Variants in TMCC1 observed in about 807,000 individuals in gnomAD.
The protein encoded by TMCC1 is transmembrane and coiled-coil domain family 1.
TMCC1 carries 15 observed loss-of-function variants against 52.4 expected under a neutral mutation model. The observed-to-expected ratio is 0.29, with a 90% CI of 0.19 to 0.44. TMCC1 has a LOEUF of 0.44. TMCC1 is among the 20% of genes least tolerant of loss of function. The probability of loss-of-function intolerance (pLI) is 1.00; values close to 1 mark genes in which losing one functional copy is unlikely to be tolerated. For missense variants in TMCC1, 503 were observed against 806.0 expected (o/e 0.62, Z 4.55); for synonymous variants, 279 against 301.9 (o/e 0.92, Z 0.79).
chr3:129,851,853 C>T (rs1338432865), intron 2 of TMCC1, among the ~76,000 whole-genome samples: 2 of 152,106 alleles, frequency 1.3e-5, no homozygotes, highest in East Asian at 1.9e-4. Context: ...ATTCAGCCTT[C>T]AAAAGGAAAA....
At chr3:129,702,889 G>T (rs1024881698) in intron 4 of TMCC1, among the ~76,000 whole-genome samples, 1 of 152,126 alleles carries the variant, frequency 6.6e-6, no homozygotes, top group Non-Finnish European at 1.5e-5. Context: ...GATAGCGTGC[G>T]CCTGTAATCT....
In TMCC1 at chr3:129,757,216, G is replaced by C. The variant is rs866398971; in HGVS notation, c.576+70587C>G. 3.9e-5 allele frequency among the ~76,000 whole-genome samples: 6 copies of C among 152,242 alleles called. No homozygotes were observed. In the South Asian group the frequency reaches 1.2e-3, roughly 32 times the overall value. On this transcript the variant is annotated intron_variant, in intron 4 of 6. Transcript: ENST00000393238. ...TACAATCTACAACCCCCAAGGGAAA[G>C]ATAATGCCCATGAACCTTAATAAAG...
chr3:129,759,391 C>T (rs2053297727), intron 4 of TMCC1, among the ~76,000 whole-genome samples: 1 of 151,674 alleles, frequency 6.6e-6, no homozygotes, highest in Non-Finnish European at 1.5e-5. Context: ...CCTCATCCTC[C>T]CAAGCAGCTG....
chr3:129,826,981 C>T (rs1175019719), intron 4 of TMCC1, among the ~76,000 whole-genome samples: 2 of 152,166 alleles, frequency 1.3e-5, no homozygotes, highest in African/African-American at 4.8e-5. Flanking sequence ...TCCAGTTTCT[C>T]TTGAAAAAAA....
intron 4 of TMCC1, among the ~76,000 whole-genome samples, chr3:129,767,589 C>T (rs967016835): frequency 1.3e-5 from 2 of 152,108 alleles, no homozygotes; most frequent in East Asian, 1.9e-4. Context: ...GCCCAGGCTA[C>T]GGTTAATTTT....
At chr3:129,699,500 T>C (rs2047656637) in intron 4 of TMCC1, among the ~76,000 whole-genome samples, 1 of 152,206 alleles carries the variant, frequency 6.6e-6, no homozygotes, top group Non-Finnish European at 1.5e-5. Context: ...GTTTCACATA[T>C]AATCAAGAAG....
In TMCC1 at chr3:129,670,451, G is replaced by T. The variant is rs1404962838; in HGVS notation, c.1390C>A (p.His464Asn). The T allele has an allele frequency of 6.2e-7, 1 of 1,614,188 alleles. No homozygotes were observed. The highest frequency in any genetic ancestry group is 8.5e-7 in the Non-Finnish European group (1 of 1,180,030). Reference sequence around the variant, plus strand: ...GTTTCCCGGATCTCCTGGATCTCATGTAGTAGTGCATCAAATCCTGAGCTC... The same window carrying T: ...GTTTCCCGGATCTCCTGGATCTCATTTAGTAGTGCATCAAATCCTGAGCTC... Reference protein sequence around the residue: ...MQSSGFDALLHEIQEIRETQA... With the variant: ...MQSSGFDALLNEIQEIRETQA... The change falls in exon 5 of 7, where the codon CAT (histidine) becomes AAT (asparagine). Residue 464 changes from histidine (H) to asparagine (N), a missense_variant. His to Asn is a moderately conservative substitution (Grantham distance 68). Around this residue, in one of 7 missense-constraint regions of TMCC1, gnomAD observed 121 missense variants for 193.6 expected, o/e 0.62. Transcript: ENST00000393238.
intron 1 of TMCC1, among the ~76,000 whole-genome samples, chr3:129,889,594 G>A (rs2061870209): frequency 1.3e-5 from 2 of 152,068 alleles, no homozygotes; most frequent in South Asian, 4.1e-4. Context: ...TCTTTGCAAT[G>A]TTTCTGTAAA....
chr3:129,862,259 G>C (rs2060429798), intron 2 of TMCC1, among the ~76,000 whole-genome samples: 1 of 152,112 alleles, frequency 6.6e-6, no homozygotes, highest in African/African-American at 2.4e-5. Context: ...GTTTCTTTTG[G>C]GGGTGATGAA....
intron 4 of TMCC1, among the ~76,000 whole-genome samples, chr3:129,745,073 T>C (rs2051807692): frequency 6.6e-6 from 1 of 152,198 alleles, no homozygotes; most frequent in African/African-American, 2.4e-5. Flanking sequence ...AGAATAAAAA[T>C]TTCTTGTAAG....
intron 4 of TMCC1, chr3:129,794,297 CACAA>C: frequency 2.2e-6 from 1 of 456,236 alleles, no homozygotes; most frequent in Non-Finnish European, 4.4e-6. Flanking sequence ...GTTTCCCCTC[CACAA>C]ACATAGAAAA....
intron 4 of TMCC1, among the ~76,000 whole-genome samples, chr3:129,693,682 A>G (rs541548057): frequency 6.6e-6 from 1 of 151,966 alleles, no homozygotes; most frequent in East Asian, 1.9e-4. Context: ...TTTTGTGGCT[A>G]TATGAGGAAG....
chr3:129,840,658 T>A (rs2107866425), intron 2 of TMCC1, among the ~76,000 whole-genome samples: 1 of 152,300 alleles, frequency 6.6e-6, no homozygotes, highest in Non-Finnish European at 1.5e-5. Flanking sequence ...CTTGTGATAA[T>A]GAGTTCTCAT....
chr3:129,695,025 A>C (rs2047296473), intron 4 of TMCC1, among the ~76,000 whole-genome samples: 1 of 126,428 alleles, frequency 7.9e-6, no homozygotes, highest in South Asian at 2.7e-4. Context: ...TAAGCCCAGG[A>C]GTTGAAATTT....
Position 129,651,293 on chromosome 3 carries a change from T to C in TMCC1, c.*188A>G. 1.5e-6 allele frequency: 1 copy of C among 679,110 alleles called. No individual in the cohort carries two copies. The highest frequency in any genetic ancestry group is 2.3e-6 in the Non-Finnish European group (1 of 428,640). The allele number at this position is 679,110 out of a possible 1,614,324, so 42.1% of individuals were successfully genotyped here. A position where few individuals can be genotyped will look rare whatever the true frequency, so the allele number is the denominator to read the frequency against. On this transcript the variant is annotated 3_prime_UTR_variant, in exon 7 of 7. Coordinates refer to ENST00000393238, the MANE Select transcript of TMCC1 (RefSeq NM_001017395.5). This position sits in a 1 kb window ranked among gnomAD's most constrained non-coding sequence, Gnocchi z 5.1. ...ATCCAAGATTTTCGCCCAAAAAACT[T>C]CTTGGATAAAATCTAAAAAATACTA...
At chr3:129,822,132 G>T (rs1254529559) in intron 4 of TMCC1, among the ~76,000 whole-genome samples, 4 of 151,936 alleles carry the variant, frequency 2.6e-5, no homozygotes, top group African/African-American at 9.7e-5. Flanking sequence ...TAACTATTTT[G>T]TTATTATTTT....
chr3:129,830,794 C>A (rs908594217), intron 3 of TMCC1, among the ~76,000 whole-genome samples: 2 of 152,164 alleles, frequency 1.3e-5, no homozygotes, highest in Non-Finnish European at 2.9e-5. Flanking sequence ...TATTACTCAG[C>A]AAATCTACTT....
chr3:129,708,014 A>AG (rs66754471), intron 4 of TMCC1, among the ~76,000 whole-genome samples: 96,068 of 151,892 alleles, frequency 0.63, 35,496 homozygotes, highest in Non-Finnish European at 0.83. Context: ...GTAGAGGATG[A>AG]GAAAAAAAAA....
At chr3:129,666,146 C>A (rs1464798414) in intron 5 of TMCC1, among the ~76,000 whole-genome samples, 1 of 152,174 alleles carries the variant, frequency 6.6e-6, no homozygotes, top group Non-Finnish European at 1.5e-5. Flanking sequence ...AAAGCAAAGC[C>A]TACAACAGAG....
Sources: gnomAD v4.1 joint callset for allele counts (sites outside exome capture counted in the v4.1 genomes callset) on GRCh38, gnomAD v4.1.1 for gene constraint, gnomAD v4.1.1 regional missense constraint, Gnocchi (gnomAD v3.1) non-coding constraint, MANE v1.5 for transcripts, NCBI Gene and HGNC (gene_info 2026-07-23, HGNC 2026-07-21) for gene names.